IGFBPL1: variants seen among roughly 807,000 people sequenced by gnomAD.
The protein encoded by IGFBPL1 is insulin-like growth factor-binding protein-like 1.
IGFBPL1 carries 20 observed loss-of-function variants against 23.9 expected under a neutral mutation model. The observed-to-expected ratio is 0.84, with a 90% CI of 0.59 to 1.22. IGFBPL1 has a LOEUF of 1.22. IGFBPL1 is among the 50% of genes most tolerant of loss of function. The probability of loss-of-function intolerance (pLI) is 0.00; values close to 1 mark genes in which losing one functional copy is unlikely to be tolerated. For missense variants in IGFBPL1, 436 were observed against 379.3 expected, an observed-to-expected ratio of 1.15 and a Z score of -1.24; for synonymous variants, 184 against 171.8, an observed-to-expected ratio of 1.07 and a Z score of -0.56.
chr9:38,420,928 A>T (rs149713452), intron 1 of IGFBPL1, among the ~76,000 whole-genome samples: 67 of 152,142 alleles, frequency 4.4e-4, no homozygotes, highest in African/African-American at 1.5e-3. Context: ...ATTTCCTTCC[A>T]TGTGCCTCAG....
At chr9:38,419,515 T>C (rs1160602003) in intron 1 of IGFBPL1, among the ~76,000 whole-genome samples, 3 of 152,132 alleles carry the variant, frequency 2.0e-5, no homozygotes, top group African/African-American at 7.2e-5. Context: ...CAAGGTGAAT[T>C]TTCTAAGATT....
chr9:38,416,831 C>T (rs912984832), intron 1 of IGFBPL1, among the ~76,000 whole-genome samples: 16 of 151,324 alleles, frequency 1.1e-4, no homozygotes, highest in Non-Finnish European at 2.4e-4. Flanking sequence ...TGCACTACCA[C>T]GCCCAGATAA....
rs1587414044 is a variant in IGFBPL1 at position 38,414,121 on chromosome 9, C to T, written c.543G>A (p.Val181=). The change falls in exon 2 of 5, where the codon GTG becomes GTA. Residue 181 remains valine, a synonymous_variant. Coordinates refer to ENST00000377694, the MANE Select transcript of IGFBPL1 (RefSeq NM_001007563.3). ...QVGLSCEVRA[V]PTPVITWRKV... Reference sequence around the variant, plus strand: ...TTCTCCACGTGATGACTGGGGTAGGCACAGCCCTCACTTCACAGGACAGGC... The same window carrying T: ...TTCTCCACGTGATGACTGGGGTAGGTACAGCCCTCACTTCACAGGACAGGC... The T allele has an allele frequency of 1.9e-6, 3 of 1,612,646 alleles. No individual in the cohort carries two copies. The East Asian group carries it at 6.7e-5, about 36-fold the overall frequency.
chr9:38,420,640 G>A (rs1821666363), intron 1 of IGFBPL1, among the ~76,000 whole-genome samples: 2 of 152,130 alleles, frequency 1.3e-5, no homozygotes, highest in African/African-American at 4.8e-5. Context: ...AGACCATCCT[G>A]ACTAACACAG....
Position 38,408,253 on chromosome 9 carries a change from CAAAAAAAAAA to C in IGFBPL1, c.*964_*973del, listed in dbSNP as rs35229194. Among the ~76,000 whole-genome samples the C allele has an allele frequency of 4.3e-5, 3 of 70,178 alleles. No individual in the cohort carries two copies. The highest frequency in any genetic ancestry group is 2.9e-4 in the East Asian group (1 of 3,452). The allele number at this position is 70,178 out of a possible 152,430, so 46.0% of individuals were successfully genotyped here. A position where few individuals can be genotyped will look rare whatever the true frequency, so the allele number is the denominator to read the frequency against. On this transcript the variant is annotated 3_prime_UTR_variant, in exon 5 of 5. Coordinates refer to ENST00000377694, the MANE Select transcript of IGFBPL1 (RefSeq NM_001007563.3). ...GCAACATAGGGAGACCCTGTCTCTA[CAAAAAAAAAA>C]AAAAAAAAAAAAAAAATAGCTGGGT...
At chr9:38,412,908 G>A (rs1482658374) in intron 3 of IGFBPL1, among the ~76,000 whole-genome samples, 1 of 152,102 alleles carries the variant, frequency 6.6e-6, no homozygotes, top group Non-Finnish European at 1.5e-5. Context: ...GGCCCACCCG[G>A]ATAATCCAGG....
intron 4 of IGFBPL1, 69 bp from the exon 5 acceptor site, chr9:38,409,286 A>G (rs544129790): frequency 2.6e-5 from 4 of 152,364 alleles, no homozygotes; most frequent in African/African-American, 4.8e-5. Flanking sequence ...TATGTGTTAC[A>G]TGGAAGGTGG....
chr9:38,419,363 C>T (rs1336105497), intron 1 of IGFBPL1, among the ~76,000 whole-genome samples: 1 of 152,138 alleles, frequency 6.6e-6, no homozygotes, highest in Non-Finnish European at 1.5e-5. Context: ...TGCCTCAGAT[C>T]TCCTCCCTCA....
chr9:38,421,659 C>T (rs930974162), intron 1 of IGFBPL1, among the ~76,000 whole-genome samples: 1 of 152,178 alleles, frequency 6.6e-6, no homozygotes, highest in Non-Finnish European at 1.5e-5. Flanking sequence ...TCCCCAGAGG[C>T]ATTGTTAAAA....
chr9:38,422,956 C>A (rs1270907372), intron 1 of IGFBPL1, among the ~76,000 whole-genome samples: 1 of 152,130 alleles, frequency 6.6e-6, no homozygotes, highest in Non-Finnish European at 1.5e-5. Flanking sequence ...GGTCTCTGGG[C>A]TCAGGCCAGA....
Position 38,406,817 on chromosome 9 carries a change from A to C in IGFBPL1, c.*2410T>G, listed in dbSNP as rs1352226141. Among the ~76,000 whole-genome samples, 3 of 152,200 alleles carry C rather than the reference A, an allele frequency of 2.0e-5. No homozygotes were observed. The highest frequency in any genetic ancestry group is 4.4e-5 in the Non-Finnish European group (3 of 68,028). On this transcript the variant is annotated 3_prime_UTR_variant, in exon 5 of 5. Transcript: ENST00000377694. Reference sequence around the variant, plus strand: ...TTATTTGTCTTTGCACAGAATGATGATGCTAAAGCCAGCCCCATACAGTCC... The same window carrying C: ...TTATTTGTCTTTGCACAGAATGATGCTGCTAAAGCCAGCCCCATACAGTCC...
chr9:38,415,485 C>CT (rs1389855022), intron 1 of IGFBPL1, among the ~76,000 whole-genome samples: 1 of 152,130 alleles, frequency 6.6e-6, no homozygotes, highest in East Asian at 1.9e-4. Context: ...AGAAAGGAGA[C>CT]TAGTTTGGCC....
intron 1 of IGFBPL1, among the ~76,000 whole-genome samples, chr9:38,419,093 C>T (rs1425271833): frequency 6.6e-6 from 1 of 151,938 alleles, no homozygotes; most frequent in South Asian, 2.1e-4. Flanking sequence ...TGATTTGTCC[C>T]CCTACCTCGT....
At chr9:38,418,906 G>A (rs12341165) in intron 1 of IGFBPL1, among the ~76,000 whole-genome samples, 9,823 of 151,928 alleles carry the variant, frequency 0.065, 1,049 homozygotes, top group African/African-American at 0.22. Flanking sequence ...CAGGGGTCTC[G>A]CTGCCAACCA....
At position 38,411,380 on chromosome 9, in the gene IGFBPL1, A is replaced by G; in HGVS notation, c.*9+11T>C. ...GGGTGTAAAATACTGAAAATGACTT[A>G]GAACATGTACATTTCTCCATCACAT... On this transcript the variant is annotated intron_variant, in intron 4 of 4. Coordinates refer to ENST00000377694, the MANE Select transcript of IGFBPL1 (RefSeq NM_001007563.3). 1 of 1,606,528 alleles carries G rather than the reference A, an allele frequency of 6.2e-7. No individual in the cohort carries two copies. The highest frequency in any genetic ancestry group is 1.3e-5 in the African/African-American group (1 of 74,806).
At chr9:38,414,639 G>A (rs188699181) in intron 1 of IGFBPL1, among the ~76,000 whole-genome samples, 1 of 152,260 alleles carries the variant, frequency 6.6e-6, no homozygotes, top group East Asian at 1.9e-4. Context: ...CCACGTGGAG[G>A]GTGTTAGGAA....
intron 1 of IGFBPL1, among the ~76,000 whole-genome samples, chr9:38,417,945 G>A (rs1339507209): frequency 6.6e-6 from 1 of 152,140 alleles, no homozygotes; most frequent in Non-Finnish European, 1.5e-5. Flanking sequence ...CATCAATTCT[G>A]AGAAGAGTGG....
Position 38,424,082 on chromosome 9 carries a change from A to G in IGFBPL1, c.343T>C (p.Cys115Arg), listed in dbSNP as rs1427318364. 66 of 1,392,804 alleles carry G rather than the reference A, an allele frequency of 4.7e-5. No individual in the cohort carries two copies. The highest frequency in any genetic ancestry group is 6.0e-5 in the Non-Finnish European group (65 of 1,078,710). 86.3% of individuals were successfully genotyped at this position (1,392,804 alleles called of 1,614,324 possible). The change falls in exon 1 of 5, where the codon TGC becomes CGC. Residue 115 changes from cysteine to arginine, a missense_variant. By Grantham distance (180) the Cys-to-Arg change is radical. Transcript: ENST00000377694. ...LCVCAQRGTVCGSDGRSYPSV... is the reference protein window; with the variant it reads ...LCVCAQRGTVRGSDGRSYPSV... ...GGGTACGAGCGACCGTCGGAGCCGC[A>G]GACGGTGCCGCGCTGCGCGCACACG...
At chr9:38,420,415 G>T (rs183210850) in intron 1 of IGFBPL1, among the ~76,000 whole-genome samples, 1 of 152,230 alleles carries the variant, frequency 6.6e-6, no homozygotes, top group Non-Finnish European at 1.5e-5. Flanking sequence ...AGGGACAAGT[G>T]ACAAACCTTG....
Sources: gnomAD v4.1 joint callset for allele counts (sites outside exome capture counted in the v4.1 genomes callset) on GRCh38, gnomAD v4.1.1 for gene constraint, MANE v1.5 for transcripts, NCBI Gene and HGNC (gene_info 2026-07-23, HGNC 2026-07-21) for gene names.